Variants in PCDH15 observed in about 807,000 individuals in gnomAD.
The protein encoded by PCDH15 is protocadherin-15.
A neutral mutation model predicts 178.5 loss-of-function variants in PCDH15; 129 were observed. The ratio of observed to expected loss-of-function variants is 0.72; its 90% CI spans 0.63 to 0.84. PCDH15 has a LOEUF of 0.84. Among genes scored for constraint, PCDH15 ranks in the 40% least tolerant of loss-of-function variants. The pLI, the probability that PCDH15 is intolerant of heterozygous loss-of-function variation, is 0.00. For missense variants in PCDH15, 2,230 were observed against 2,099.9 expected, an observed-to-expected ratio of 1.06 and a Z score of -1.21; for synonymous variants, 800 against 732.0, an observed-to-expected ratio of 1.09 and a Z score of -1.50.
intron 1 of PCDH15, among the ~76,000 whole-genome samples, chr10:55,283,009 C>G (rs1360949074): frequency 6.6e-6 from 1 of 152,122 alleles, no homozygotes; most frequent in Non-Finnish European, 1.5e-5. Context: ...AAACACTCTT[C>G]CTGCCTGGGG....
intron 15 of PCDH15, among the ~76,000 whole-genome samples, chr10:54,128,385 T>C (rs2042155100): frequency 6.6e-6 from 1 of 152,182 alleles, no homozygotes; most frequent in South Asian, 2.1e-4. Flanking sequence ...GGCAAGATCT[T>C]CAAGGGGACA....
intron 2 of PCDH15, among the ~76,000 whole-genome samples, chr10:55,449,630 T>C (rs1037214212): frequency 2.6e-5 from 4 of 152,008 alleles, no homozygotes; most frequent in Non-Finnish European, 4.4e-5. Context: ...CAAAACGAAA[T>C]ATATGATAGG....
At chr10:53,808,901 T>G (rs2075759135) in intron 37 of PCDH15, 4 of 1,585,010 alleles carry the variant, frequency 2.5e-6, no homozygotes, top group Non-Finnish European at 3.4e-6. Context: ...TCTTCAGGGA[T>G]ATCTTGAGCT....
chr10:54,929,590 T>C (rs902075619), intron 2 of PCDH15, among the ~76,000 whole-genome samples: 1 of 152,178 alleles, frequency 6.6e-6, no homozygotes, highest in African/African-American at 2.4e-5. Flanking sequence ...CAACGGAAAA[T>C]TGTGGCCCAT....
chr10:55,377,146 T>TAAAAA (rs398054373), intron 2 of PCDH15, among the ~76,000 whole-genome samples: 8 of 105,290 alleles, frequency 7.6e-5, no homozygotes, highest in South Asian at 2.9e-4. Context: ...CTTTCTTCAC[T>TAAAAA]AAAAAAAAAA....
chr10:55,070,760 G>C (rs1272565328), intron 2 of PCDH15, among the ~76,000 whole-genome samples: 1 of 152,006 alleles, frequency 6.6e-6, no homozygotes, highest in African/African-American at 2.4e-5. Flanking sequence ...GGTGATGTGG[G>C]CTCTTTTTTG....
intron 3 of PCDH15, among the ~76,000 whole-genome samples, chr10:54,861,913 A>T (rs1953850104): frequency 6.6e-6 from 1 of 152,210 alleles, no homozygotes; most frequent in South Asian, 2.1e-4. Flanking sequence ...CTTTCAGGGA[A>T]GTGCATAGAG....
intron 2 of PCDH15, among the ~76,000 whole-genome samples, chr10:55,471,290 T>C (rs1839951369): frequency 6.6e-6 from 1 of 152,254 alleles, no homozygotes; most frequent in African/African-American, 2.4e-5. Context: ...TTTTAGTTTA[T>C]TAGGGCTTAT....
intron 2 of PCDH15, among the ~76,000 whole-genome samples, chr10:54,598,045 T>TA (rs1468088361): frequency 6.6e-6 from 1 of 152,158 alleles, no homozygotes; most frequent in Non-Finnish European, 1.5e-5. Context: ...TTCTGAATTC[T>TA]ACCAGATGTA....
At chr10:55,572,492 G>A (rs1425478890) in intron 2 of PCDH15, among the ~76,000 whole-genome samples, 2 of 151,628 alleles carry the variant, frequency 1.3e-5, no homozygotes, top group Non-Finnish European at 2.9e-5. Context: ...ATTATGCCAA[G>A]CACTCTTCTA....
At chr10:53,821,583 C>T in intron 32 of PCDH15, 1 of 1,152,070 alleles carries the variant, frequency 8.7e-7, no homozygotes, top group Non-Finnish European at 1.1e-6. Context: ...CCCACATATT[C>T]CCACTAAAAA....
At chr10:55,080,170 G>A (rs1303331337) in intron 2 of PCDH15, among the ~76,000 whole-genome samples, 3 of 152,098 alleles carry the variant, frequency 2.0e-5, no homozygotes, top group Admixed American at 2.0e-4. Flanking sequence ...CTCAGAGGGT[G>A]CACTAGAGCA....
chr10:54,509,959 A>G (rs1020657622), intron 3 of PCDH15, among the ~76,000 whole-genome samples: 36 of 152,104 alleles, frequency 2.4e-4, no homozygotes, highest in African/African-American at 8.7e-4. Flanking sequence ...TGCTGTTGCG[A>G]TGTTCTGGAT....
intron 1 of PCDH15, among the ~76,000 whole-genome samples, chr10:54,680,591 C>T (rs1050326290): frequency 1.3e-5 from 2 of 151,908 alleles, no homozygotes; most frequent in African/African-American, 4.8e-5. Flanking sequence ...TGTAATAATC[C>T]CCATGTGTCA....
chr10:54,105,550 C>T (rs1212283478), intron 15 of PCDH15, among the ~76,000 whole-genome samples: 1 of 151,976 alleles, frequency 6.6e-6, no homozygotes, highest in African/African-American at 2.4e-5. Context: ...GGCTGTAAGG[C>T]TAAGCCAGTC....
intron 2 of PCDH15, among the ~76,000 whole-genome samples, chr10:55,093,726 G>C (rs571070408): frequency 5.9e-5 from 9 of 152,160 alleles, no homozygotes; most frequent in African/African-American, 1.9e-4. Flanking sequence ...CAAAAAGTGG[G>C]CAAAGGATAT....
intron 2 of PCDH15, among the ~76,000 whole-genome samples, chr10:55,613,434 TATA>T (rs1343207433): frequency 6.6e-6 from 1 of 152,142 alleles, no homozygotes. Context: ...TGCCCCACCT[TATA>T]ATATGTGAAC....
chr10:54,998,311 C>T (rs2131926261), intron 2 of PCDH15, among the ~76,000 whole-genome samples: 1 of 151,850 alleles, frequency 6.6e-6, no homozygotes, highest in Non-Finnish European at 1.5e-5. Flanking sequence ...TCTTCATGGC[C>T]ACTCCAGCAT....
intron 3 of PCDH15, among the ~76,000 whole-genome samples, chr10:54,849,178 C>T (rs186633072): frequency 3.9e-4 from 60 of 152,104 alleles, no homozygotes; most frequent in African/African-American, 1.4e-3. Flanking sequence ...ATTTCACCTT[C>T]TTCTTTCTTC....
Sources: gnomAD v4.1 joint callset for allele counts (sites outside exome capture counted in the v4.1 genomes callset) on GRCh38, gnomAD v4.1.1 for gene constraint, MANE v1.5 for transcripts, NCBI Gene and HGNC (gene_info 2026-07-23, HGNC 2026-07-21) for gene names.